The following PCM1 variants were observed in gnomAD, a reference collection of about 807,000 sequenced individuals.
PCM1 encodes the protein pericentriolar material 1 protein.
In PCM1, 157 loss-of-function variants were observed where a neutral mutation model predicts 241.9. That is an observed-to-expected ratio of 0.65 (90% confidence interval 0.57 to 0.74). The LOEUF is 0.74. Ranked by LOEUF, PCM1 falls within the 30% of genes least tolerant of loss-of-function variation. The pLI is 0.00. For missense variants in PCM1, 3,478 were observed against 2,360.1 expected, an observed-to-expected ratio of 1.47 and a Z score of -9.81; for synonymous variants, 1,085 against 784.9, an observed-to-expected ratio of 1.38 and a Z score of -6.39.
intron 6 of PCM1, among the ~76,000 whole-genome samples, chr8:17,944,505 A>G (rs1041980841): frequency 6.6e-6 from 1 of 152,180 alleles, no homozygotes; most frequent in Non-Finnish European, 1.5e-5. Flanking sequence ...GGACTACTAC[A>G]TATTTACAAC....
chr8:17,963,985 G>T (rs965354421), intron 17 of PCM1, among the ~76,000 whole-genome samples: 5 of 151,992 alleles, frequency 3.3e-5, no homozygotes, highest in African/African-American at 1.2e-4. Flanking sequence ...ATTTTATTCT[G>T]TTCTGGGTAC....
intron 26 of PCM1, among the ~76,000 whole-genome samples, chr8:17,988,568 T>C (rs769160943): frequency 1.3e-5 from 2 of 151,864 alleles, no homozygotes; most frequent in African/African-American, 2.4e-5. Flanking sequence ...AAAATAGGAA[T>C]TTTCTGCTTT....
intron 26 of PCM1, 29 bp downstream of exon 26, chr8:17,986,116 G>A (rs2129477055): frequency 6.9e-7 from 1 of 1,439,172 alleles, no homozygotes; most frequent in East Asian, 2.5e-5. Context: ...GTGAATTGTA[G>A]ATATAATTTT....
intron 13 of PCM1, 127 bp downstream of exon 13, chr8:17,957,902 A>G: frequency 1.5e-6 from 1 of 653,474 alleles, no homozygotes; most frequent in Non-Finnish European, 2.6e-6. Flanking sequence ...GTGAGGTTTA[A>G]ATTTTTAGCA....
intron 6 of PCM1, among the ~76,000 whole-genome samples, chr8:17,944,632 C>T (rs1205507073): frequency 1.3e-5 from 2 of 152,016 alleles, no homozygotes; most frequent in African/African-American, 4.8e-5. Flanking sequence ...TTAATATACA[C>T]CTAGCATCCT....
chr8:17,928,768 A>G (rs183126419), intron 2 of PCM1, among the ~76,000 whole-genome samples: 85 of 151,814 alleles, frequency 5.6e-4, no homozygotes, highest in African/African-American at 1.9e-3. Context: ...TGTAGCTGGG[A>G]TTACAGGCAT....
At chr8:17,927,287 C>T (rs1297252105) in intron 2 of PCM1, 3 of 151,986 alleles carry the variant, frequency 2.0e-5, no homozygotes, top group Admixed American at 6.6e-5. Context: ...CGCCCCACCA[C>T]ACGTGGCTAA....
intron 34 of PCM1, among the ~76,000 whole-genome samples, chr8:18,012,829 CT>C (rs1391111675): frequency 6.6e-6 from 1 of 152,072 alleles, no homozygotes; most frequent in African/African-American, 2.4e-5. Context: ...TTTTCTTTGA[CT>C]TTAACACTTG....
At chr8:17,924,597 T>C (rs1452028325) in intron 1 of PCM1, 116 bp from the exon 2 acceptor site, 1 of 152,240 alleles carries the variant, frequency 6.6e-6, no homozygotes, top group Non-Finnish European at 1.5e-5. Flanking sequence ...GTTATATTTT[T>C]CCCCTTCTTT....
chr8:17,955,436 T>G, intron 9 of PCM1, 34 bp from the exon 10 acceptor site: 1 of 1,501,878 alleles, frequency 6.7e-7, no homozygotes, highest in Non-Finnish European at 8.9e-7. Context: ...AACTGGTGAT[T>G]AAAAAAAATT....
chr8:17,941,526 G>C (rs1165288237), intron 6 of PCM1, among the ~76,000 whole-genome samples: 5 of 142,466 alleles, frequency 3.5e-5, no homozygotes, highest in Non-Finnish European at 7.7e-5. Context: ...ATTGATTTTT[G>C]TTTTTTTTTT....
Position 18,029,535 on chromosome 8 carries a change from A to ATATC in PCM1, c.*1875_*1878dup, listed in dbSNP as rs2094411044. The ATATC allele has an allele frequency of 4.7e-6, 1 of 211,380 alleles. No homozygotes were observed. The allele number at this position is 211,380 out of a possible 1,614,324, so 13.1% of individuals were successfully genotyped here. ...ATATTAAAGTGGAAAAATTGTATTT[A>ATATC]TATCTTAGTTATTACCATAGTACCT... On this transcript the variant is annotated 3_prime_UTR_variant, in exon 39 of 39. Transcript: ENST00000325083.
At chr8:17,962,792 A>G (rs920788301) in intron 16 of PCM1, among the ~76,000 whole-genome samples, 1 of 151,324 alleles carries the variant, frequency 6.6e-6, no homozygotes, top group African/African-American at 2.4e-5. Flanking sequence ...AATCCCAGCT[A>G]CTCAGGAGGC....
intron 26 of PCM1, among the ~76,000 whole-genome samples, chr8:17,988,825 G>C (rs2083465310): frequency 6.6e-6 from 1 of 151,988 alleles, no homozygotes; most frequent in Non-Finnish European, 1.5e-5. Context: ...GTGTTGGTGA[G>C]AATGTGGAAC....
intron 9 of PCM1, among the ~76,000 whole-genome samples, chr8:17,953,763 T>C (rs1006809577): frequency 6.6e-6 from 1 of 152,212 alleles, no homozygotes; most frequent in Non-Finnish European, 1.5e-5. Context: ...ACCTTCTTTG[T>C]CTAAATCAGA....
rs1437167491 is a variant in PCM1 at position 17,935,641 on chromosome 8, G to A, written c.31G>A (p.Gly11Ser). 6.4e-7 allele frequency: 1 copy of A among 1,560,620 alleles called. No individual in the cohort carries two copies. The highest frequency in any genetic ancestry group is 1.7e-5 in the Admixed American group (1 of 59,848). The stretch of plus-strand genomic sequence containing the variant: ...CACAGGAGGAGGTCCCTTTGAAGAT[G>A]GCATGAATGATCAGGATTTACCAAA... Reference protein sequence around the residue: MATGGGPFEDGMNDQDLPNWS... With the variant: MATGGGPFEDSMNDQDLPNWS... The change falls in exon 3 of 39, where the codon GGC becomes AGC. Residue 11 changes from glycine to serine, a missense_variant. Physicochemically the swap from Gly to Ser is moderately conservative, Grantham distance 56. Transcript: ENST00000325083.
In PCM1 at chr8:17,966,386, A is replaced by T. The variant is rs758273868; in HGVS notation, c.3134A>T (p.Asn1045Ile). ...GGTCCTTACAGTGTTATGCCCAGCA[A>T]TGTTGCATCTCCTCAAGTACACTTC... ...LTGPYSVMPS[N>I]VASPQVHFIM... Residue 1045 changes from asparagine to isoleucine, a missense_variant, in exon 20 of 39, where the codon AAT (asparagine) becomes ATT (isoleucine). Transcript: ENST00000325083. 1 of 1,613,476 alleles carries T rather than the reference A, an allele frequency of 6.2e-7. No homozygotes were observed. The highest frequency in any genetic ancestry group is 1.3e-5 in the African/African-American group (1 of 74,926).
intron 2 of PCM1, chr8:17,926,900 TG>T (rs1286940821): frequency 6.6e-6 from 1 of 152,100 alleles, no homozygotes; most frequent in Non-Finnish European, 1.5e-5. Flanking sequence ...AGTTCAGTAT[TG>T]GAATAGAGAA....
In PCM1 at chr8:17,991,584, G is replaced by C. The variant is rs2129478651; in HGVS notation, c.4574G>C (p.Arg1525Thr). 6.2e-7 allele frequency: 1 copy of C among 1,600,724 alleles called. No individual in the cohort carries two copies. The highest frequency in any genetic ancestry group is 8.5e-7 in the Non-Finnish European group (1 of 1,173,042). ...IHLDQALARMREYERMKTEAE... is the reference protein window; with the variant it reads ...IHLDQALARMTEYERMKTEAE... ...TTAGATCAAGCATTAGCCAGAATGAGAGAATATGAGCGTATGAAGACTGAG... is the reference window on the plus strand; with the variant it reads ...TTAGATCAAGCATTAGCCAGAATGACAGAATATGAGCGTATGAAGACTGAG... Residue 1525 changes from arginine (R) to threonine (T), a missense_variant, in exon 28 of 39, where the codon AGA (arginine) becomes ACA (threonine). Coordinates refer to ENST00000325083, the MANE Select transcript of PCM1 (RefSeq NM_006197.4).
Sources: allele counts gnomAD v4.1 joint callset (sites outside exome capture counted in the v4.1 genomes callset), GRCh38; gene constraint gnomAD v4.1.1; transcripts MANE v1.5; gene names NCBI Gene and HGNC (gene_info 2026-07-23, HGNC 2026-07-21).